MPPED2: variants seen among roughly 807,000 people sequenced by gnomAD.
The protein encoded by MPPED2 is metallophosphoesterase MPPED2.
A neutral mutation model predicts 33.0 loss-of-function variants in MPPED2; 5 were observed. The observed-to-expected ratio is 0.15, with a 90% CI of 0.08 to 0.32. MPPED2 has a LOEUF of 0.32. Among genes scored for constraint, MPPED2 ranks in the 10% least tolerant of loss-of-function variants. MPPED2 has a pLI of 1.00. For missense variants in MPPED2, 275 were observed against 372.1 expected (o/e 0.74, Z 2.15); for synonymous variants, 136 against 141.9 (o/e 0.96, Z 0.29).
rs113480486 is a variant in MPPED2 at position 30,460,053 on chromosome 11, G to C, written c.536+35243C>G. On this transcript the variant is annotated intron_variant, in intron 4 of 6. Coordinates refer to ENST00000358117, the MANE Select transcript of MPPED2 (RefSeq NM_001584.3). Reference sequence around the variant, plus strand: ...GCTTGGCCGTTACAAAGGCACACGGGGCATTTTGTACTTGGCACACACAAG... The same window carrying C: ...GCTTGGCCGTTACAAAGGCACACGGCGCATTTTGTACTTGGCACACACAAG... 2.2e-3 allele frequency among the ~76,000 whole-genome samples: 337 copies of C among 152,176 alleles called. 3 individuals carry two copies. The highest frequency in any genetic ancestry group is 7.5e-3 in the African/African-American group (313 of 41,510).
At chr11:30,477,568 T>G (rs1951274526) in intron 4 of MPPED2, among the ~76,000 whole-genome samples, 2 of 152,136 alleles carry the variant, frequency 1.3e-5, no homozygotes, top group Admixed American at 1.3e-4. Context: ...AAATCCACAT[T>G]GATCATAATC....
At chr11:30,421,177 C>T (rs1287142604) in intron 4 of MPPED2, among the ~76,000 whole-genome samples, 1 of 152,146 alleles carries the variant, frequency 6.6e-6, no homozygotes, top group Non-Finnish European at 1.5e-5. Context: ...CCAGGGGCTT[C>T]CAGAGGCAAA....
intron 4 of MPPED2, among the ~76,000 whole-genome samples, chr11:30,476,338 CCAAGG>C (rs1951194858): frequency 6.6e-6 from 1 of 151,742 alleles, no homozygotes; most frequent in South Asian, 2.1e-4. Context: ...TTTGCCCATT[CCAAGG>C]TTGCAAAGAT....
At chr11:30,513,307 G>C (rs1426251941) in intron 3 of MPPED2, among the ~76,000 whole-genome samples, 1 of 152,118 alleles carries the variant, frequency 6.6e-6, no homozygotes, top group Non-Finnish European at 1.5e-5. Flanking sequence ...ACAGATGACT[G>C]TTTCTCTTTC....
At chr11:30,420,771 C>T (rs1565050316) in intron 4 of MPPED2, among the ~76,000 whole-genome samples, 1 of 152,168 alleles carries the variant, frequency 6.6e-6, no homozygotes, top group South Asian at 2.1e-4. Context: ...GTCTTTCTCT[C>T]TCTTGTCCTT....
chr11:30,546,645 A>G (rs1461990827), intron 2 of MPPED2, among the ~76,000 whole-genome samples: 1 of 152,166 alleles, frequency 6.6e-6, no homozygotes, highest in East Asian at 1.9e-4. Flanking sequence ...TTGGCTTTTA[A>G]TGGTCTGTAT....
chr11:30,410,507 G>C lies in MPPED2; in HGVS notation c.*961C>G. ...GAAAGGACAACTAAGCCTTATTTTA[G>C]TTAGCTTCCATTGCATCCATTTAAG... On this transcript the variant is annotated 3_prime_UTR_variant, in exon 7 of 7. Transcript: ENST00000358117. 1 of 985,742 alleles carries C rather than the reference G, an allele frequency of 1.0e-6. No individual in the cohort carries two copies. The highest frequency in any genetic ancestry group is 1.2e-6 in the Non-Finnish European group (1 of 829,914). The allele number at this position is 985,742 out of a possible 1,614,324, so 61.1% of individuals were successfully genotyped here.
At chr11:30,548,791 T>C (rs1955564785) in intron 2 of MPPED2, among the ~76,000 whole-genome samples, 1 of 152,166 alleles carries the variant, frequency 6.6e-6, no homozygotes, top group South Asian at 2.1e-4. Context: ...AGGTGAGTCA[T>C]AGTGCCAAAT....
chr11:30,550,762 C>A (rs1281855916), intron 2 of MPPED2, among the ~76,000 whole-genome samples: 5 of 152,148 alleles, frequency 3.3e-5, no homozygotes, highest in Non-Finnish European at 7.3e-5. Flanking sequence ...CCAGTTCAGG[C>A]CCCTTCATGA....
intron 3 of MPPED2, among the ~76,000 whole-genome samples, chr11:30,516,299 C>T (rs1034849394): frequency 6.6e-6 from 1 of 152,174 alleles, no homozygotes; most frequent in Admixed American, 6.5e-5. Context: ...TCTTCTGATG[C>T]ATCCAAGTCT....
At chr11:30,431,388 C>T (rs1355495122) in intron 4 of MPPED2, among the ~76,000 whole-genome samples, 2 of 152,212 alleles carry the variant, frequency 1.3e-5, no homozygotes, top group African/African-American at 4.8e-5. Flanking sequence ...TAAGCTGCTG[C>T]ACCTCTCTGA....
intron 3 of MPPED2, among the ~76,000 whole-genome samples, chr11:30,515,849 G>A (rs1953504507): frequency 6.6e-6 from 1 of 152,128 alleles, no homozygotes; most frequent in South Asian, 2.1e-4. Flanking sequence ...CCCATCAAGC[G>A]AAGATCACAA....
At chr11:30,417,153 A>G (rs1020425237) in intron 5 of MPPED2, among the ~76,000 whole-genome samples, 1 of 152,178 alleles carries the variant, frequency 6.6e-6, no homozygotes, top group African/African-American at 2.4e-5. Flanking sequence ...TTTCATTGCC[A>G]TTCAAAAGCC....
intron 4 of MPPED2, among the ~76,000 whole-genome samples, chr11:30,438,395 T>C (rs1949416597): frequency 6.6e-6 from 1 of 152,194 alleles, no homozygotes; most frequent in Admixed American, 6.5e-5. Context: ...AGAATAGGAA[T>C]AAGAAGGTTT....
intron 1 of MPPED2, among the ~76,000 whole-genome samples, chr11:30,582,850 G>T (rs1957230362): frequency 6.6e-6 from 1 of 152,146 alleles, no homozygotes; most frequent in Non-Finnish European, 1.5e-5. Flanking sequence ...CTGTAACTCT[G>T]AAAGGCTAAA....
chr11:30,461,935 G>A (rs1950531008), intron 4 of MPPED2, among the ~76,000 whole-genome samples: 1 of 152,248 alleles, frequency 6.6e-6, no homozygotes, highest in East Asian at 1.9e-4. Context: ...GAGATGCTGG[G>A]CACTCACTGT....
intron 4 of MPPED2, among the ~76,000 whole-genome samples, chr11:30,476,575 C>T (rs1030027521): frequency 9.9e-5 from 15 of 151,872 alleles, no homozygotes; most frequent in Admixed American, 6.6e-4. Context: ...GGGTCTGTTT[C>T]TGGATTTACT....
At chr11:30,413,267 C>T (rs1347478511) in intron 6 of MPPED2, among the ~76,000 whole-genome samples, 1 of 152,234 alleles carries the variant, frequency 6.6e-6, no homozygotes, top group Non-Finnish European at 1.5e-5. Flanking sequence ...GCCTTAAACA[C>T]CTCAACTTGA....
chr11:30,497,562 A>C (rs1379465416), intron 3 of MPPED2, among the ~76,000 whole-genome samples: 1 of 152,072 alleles, frequency 6.6e-6, no homozygotes, highest in Non-Finnish European at 1.5e-5. Context: ...AAACCCTTTC[A>C]TTATGTGCCA....
Sources: gnomAD v4.1 joint callset for allele counts (sites outside exome capture counted in the v4.1 genomes callset) on GRCh38, gnomAD v4.1.1 for gene constraint, MANE v1.5 for transcripts, NCBI Gene and HGNC (gene_info 2026-07-23, HGNC 2026-07-21) for gene names.